PTN: variants seen among roughly 807,000 people sequenced by gnomAD.
PTN encodes the protein pleiotrophin.
In PTN, 18 loss-of-function variants were observed where a neutral mutation model predicts 24.1. The ratio of observed to expected loss-of-function variants is 0.75; its 90% confidence interval spans 0.52 to 1.11. The LOEUF is 1.11. Ranked by LOEUF, PTN falls within the 50% of genes least tolerant of loss-of-function variation. The pLI is 0.00. For synonymous variants in PTN, 78 were observed against 68.6 expected (o/e 1.14, Z -0.67); for missense variants, 163 against 198.8 (o/e 0.82, Z 1.08).
chr7:137,289,156 A>G (rs2128877027), intron 1 of PTN, among the ~76,000 whole-genome samples: 1 of 152,348 alleles, frequency 6.6e-6, no homozygotes, highest in South Asian at 2.1e-4. Flanking sequence ...AGCAAGAATC[A>G]AACTTGGTAT....
At chr7:137,280,725 A>AAAAAAAAAAAAAAAAAAAG (rs71176392) in intron 1 of PTN, among the ~76,000 whole-genome samples, 1 of 138,396 alleles carries the variant, frequency 7.2e-6, no homozygotes, top group Admixed American at 7.2e-5. Flanking sequence ...AAAAAAAAAA[A>AAAAAAAAAAAAAAAAAAAG]GCTGAGTGTG....
At position 137,227,678 on chromosome 7, in the gene PTN, TAC is replaced by T. The variant is rs1808356212; in HGVS notation, c.*340_*341del. ...AAATTACCTAACAAGAGAAGTAGTTTACATAGTCATAACATTTAAATTGCTGC... is the reference window on the plus strand; with the variant it reads ...AAATTACCTAACAAGAGAAGTAGTTTATAGTCATAACATTTAAATTGCTGC... On this transcript the variant is annotated 3_prime_UTR_variant, in exon 5 of 5. Transcript: ENST00000348225. 1 of 177,134 alleles carries T rather than the reference TAC, an allele frequency of 5.6e-6. No homozygotes were observed. The allele number at this position is 177,134 out of a possible 1,614,324, so 11.0% of individuals were successfully genotyped here.
At chr7:137,255,373 C>G (rs545130759) in intron 1 of PTN, among the ~76,000 whole-genome samples, 1 of 152,244 alleles carries the variant, frequency 6.6e-6, no homozygotes, top group Non-Finnish European at 1.5e-5. Flanking sequence ...TAGAAACAAC[C>G]ACAGCAATGA....
chr7:137,278,016 A>G lies in PTN; in HGVS notation c.-1-23042T>C, dbSNP rs1585026112. Among the ~76,000 whole-genome samples the G allele has an allele frequency of 3.3e-5, 5 of 152,228 alleles. 1 individual carries two copies. The highest frequency in any genetic ancestry group is 3.3e-4 in the Admixed American group (5 of 15,296). On this transcript the variant is annotated intron_variant, in intron 1 of 4. Transcript: ENST00000348225. ...TAAGCATAAATTCATTTTTTAAAAAATGACTACTGGGCCGGGCGCGGTGGC... is the reference window on the plus strand; with the variant it reads ...TAAGCATAAATTCATTTTTTAAAAAGTGACTACTGGGCCGGGCGCGGTGGC...
intron 1 of PTN, among the ~76,000 whole-genome samples, chr7:137,268,300 C>A (rs560752376): frequency 6.6e-6 from 1 of 152,232 alleles, no homozygotes; most frequent in East Asian, 1.9e-4. Context: ...GCTTAAGAAG[C>A]TGCCTGGACC....
chr7:137,282,644 T>A (rs917876717), intron 1 of PTN, among the ~76,000 whole-genome samples: 1 of 152,138 alleles, frequency 6.6e-6, no homozygotes, highest in African/African-American at 2.4e-5. Context: ...GAATTAATAA[T>A]GTGATTAAAA....
intron 4 of PTN, among the ~76,000 whole-genome samples, chr7:137,250,646 G>A (rs111783942): frequency 0.014 from 2,193 of 152,262 alleles, 54 homozygotes; most frequent in African/African-American, 0.05. Flanking sequence ...ACCTTCTCCA[G>A]CAAGAGAGCA....
chr7:137,228,030 ATCTTCTCCTG>A lies in PTN; in HGVS notation c.487_496del (p.Gln163CysfsTer21), dbSNP rs1464939249. ...CACAGGTGACATCTTTTAATCCAGC[ATCTTCTCCTG>A]TTTCTTGCCTTCCTTTTTCTTCTTC... On this transcript the variant is annotated frameshift_variant, in exon 5 of 5. Coordinates refer to ENST00000348225, the MANE Select transcript of PTN (RefSeq NM_002825.7). LOFTEE classifies it high-confidence loss of function. 1 of 1,609,654 alleles carries A rather than the reference ATCTTCTCCTG, an allele frequency of 6.2e-7. No homozygotes were observed. The highest frequency in any genetic ancestry group is 8.5e-7 in the Non-Finnish European group (1 of 1,177,520).
At chr7:137,332,442 C>T (rs1810374636) in intron 1 of PTN, among the ~76,000 whole-genome samples, 1 of 152,054 alleles carries the variant, frequency 6.6e-6, no homozygotes, top group East Asian at 1.9e-4. Flanking sequence ...AAACTTTTCA[C>T]ACATTTGACC....
At chr7:137,332,395 A>AAC (rs1554385007) in intron 1 of PTN, among the ~76,000 whole-genome samples, 2 of 151,768 alleles carry the variant, frequency 1.3e-5, no homozygotes, top group African/African-American at 4.8e-5. Flanking sequence ...ATGGAAAAAA[A>AAC]AATATTTCAT....
intron 1 of PTN, among the ~76,000 whole-genome samples, chr7:137,302,487 G>T (rs896334370): frequency 1.3e-5 from 2 of 151,950 alleles, no homozygotes; most frequent in Non-Finnish European, 2.9e-5. Flanking sequence ...AATGAAGAAA[G>T]GAATTCAGAA....
chr7:137,259,910 A>G (rs1450876083), intron 1 of PTN, among the ~76,000 whole-genome samples: 2 of 152,144 alleles, frequency 1.3e-5, no homozygotes, highest in African/African-American at 4.8e-5. Flanking sequence ...ATGAAATAAG[A>G]AAAAACATCT....
chr7:137,238,274 T>C (rs1041183587), intron 4 of PTN, among the ~76,000 whole-genome samples: 11 of 152,246 alleles, frequency 7.2e-5, no homozygotes, highest in South Asian at 6.2e-4. Context: ...AGGAATGTCA[T>C]AGCGGAGGGA....
intron 1 of PTN, among the ~76,000 whole-genome samples, chr7:137,258,727 G>A (rs1162122179): frequency 6.6e-6 from 1 of 152,074 alleles, no homozygotes; most frequent in Admixed American, 6.6e-5. Flanking sequence ...GATAACAGTT[G>A]CCCTTGCTTG....
At position 137,252,615 on chromosome 7, in the gene PTN, A is replaced by G. The variant is rs913059654; in HGVS notation, c.289+849T>C. Among the ~76,000 whole-genome samples, 2 of 151,894 alleles carry G rather than the reference A, an allele frequency of 1.3e-5. 1 individual carries two copies. Among genetic ancestry groups the G allele is most frequent in the African/African-American group, 4.9e-5 (2 of 41,128 alleles). ...ATAAAAAATACCCCAAAGATTACAG[A>G]GGGAGAAAAAGACATACATGTATAC... On this transcript the variant is annotated intron_variant, in intron 3 of 4. Coordinates refer to ENST00000348225, the MANE Select transcript of PTN (RefSeq NM_002825.7).
At chr7:137,341,593 T>C (rs1377658637) in intron 1 of PTN, among the ~76,000 whole-genome samples, 1 of 152,182 alleles carries the variant, frequency 6.6e-6, no homozygotes, top group African/African-American at 2.4e-5. Context: ...ATAGTACTTT[T>C]ATTTATCTCA....
intron 1 of PTN, among the ~76,000 whole-genome samples, chr7:137,288,892 A>G (rs1277718663): frequency 1.3e-5 from 2 of 152,186 alleles, no homozygotes; most frequent in Non-Finnish European, 1.5e-5. Context: ...CGCCAAGAGA[A>G]TACTTCAAAT....
At chr7:137,228,406 G>T (rs1430249641) in intron 4 of PTN, among the ~76,000 whole-genome samples, 1 of 151,768 alleles carries the variant, frequency 6.6e-6, no homozygotes, top group Non-Finnish European at 1.5e-5. Context: ...TTGGGGTCCT[G>T]CTTAGAAAAT....
chr7:137,244,379 T>TC (rs1808686702), intron 4 of PTN, among the ~76,000 whole-genome samples: 2 of 150,776 alleles, frequency 1.3e-5, no homozygotes, highest in Non-Finnish European at 3.0e-5. Context: ...TCAGAATTTT[T>TC]TTTTTTTTTT....
Sources: gnomAD v4.1 joint callset for allele counts (sites outside exome capture counted in the v4.1 genomes callset) on GRCh38, gnomAD v4.1.1 for gene constraint, MANE v1.5 for transcripts, NCBI Gene and HGNC (gene_info 2026-07-23, HGNC 2026-07-21) for gene names.